GALNT13: variants seen among roughly 807,000 people sequenced by gnomAD.
GALNT13 encodes UDP-GalNAc:polypeptide N-acetylgalactosaminyltransferase 13.
Under a neutral mutation model 64.2 loss-of-function variants are expected in GALNT13, and 28 were observed. The ratio of observed to expected loss-of-function variants is 0.44; its 90% CI spans 0.32 to 0.60. The LOEUF (loss-of-function observed/expected upper bound fraction) is 0.60, where lower values mean the gene tolerates loss of function less well. Among genes scored for constraint, GALNT13 ranks in the 20% least tolerant of loss-of-function variants. The pLI, the probability that GALNT13 is intolerant of heterozygous loss-of-function variation, is 0.05. For missense variants in GALNT13, 577 were observed against 669.8 expected, an observed-to-expected ratio of 0.86 and a Z score of 1.53; for synonymous variants, 214 against 224.6, an observed-to-expected ratio of 0.95 and a Z score of 0.42.
the GALNT13 span, among the ~76,000 whole-genome samples, chr2:153,422,742 C>G: frequency 6.6e-6 from 1 of 151,848 alleles, no homozygotes; most frequent in African/African-American, 2.4e-5. Flanking sequence ...AAAAAATACA[C>G]TTTACAGAAT....
chr2:154,296,377 AC>A lies in GALNT13; in HGVS notation c.976-5031del, dbSNP rs151205871. Among the ~76,000 whole-genome samples, 729 of 152,334 alleles carry A rather than the reference AC, an allele frequency of 4.8e-3. 6 individuals are homozygous for A. Among genetic ancestry groups the A allele is most frequent in the African/African-American group, 0.017 (695 of 41,572 alleles). On this transcript the variant is annotated intron_variant, in intron 8 of 12. Transcript: ENST00000392825. ...CCAGGATAACGTGCTAATTTGCTGT[AC>A]AACTGTCCAGCTGGGAGAGAAATAC...
chr2:154,082,607 G>A (rs747994777), intron 3 of GALNT13, among the ~76,000 whole-genome samples: 12 of 151,652 alleles, frequency 7.9e-5, no homozygotes, highest in Non-Finnish European at 1.8e-4. Flanking sequence ...AGCTTTCTGA[G>A]TTGGAGAAAG....
intron 3 of GALNT13, among the ~76,000 whole-genome samples, chr2:153,952,184 T>C (rs6714832): frequency 0.39 from 59,031 of 151,966 alleles, 14,609 homozygotes; most frequent in Non-Finnish European, 0.55. Context: ...AGAGAATAGG[T>C]ATTTAAAAAG....
At chr2:154,437,528 A>T in intron 11 of GALNT13, 1 of 1,281,650 alleles carries the variant, frequency 7.8e-7, no homozygotes, top group Non-Finnish European at 1.0e-6. Flanking sequence ...ATCGTAGTTA[A>T]AAGAAGAAAA....
rs563982459 is a variant in GALNT13, at chr2:154,264,172, T to C, written c.975+5034T>C. The stretch of plus-strand genomic sequence containing the variant: ...TCTTCACAAGTGTGTGAGGAAACAA[T>C]CCAAGTCTGAGGAAAGAACCTTCAG... On this transcript the variant is annotated intron_variant, in intron 8 of 12. Coordinates refer to ENST00000392825, the MANE Select transcript of GALNT13 (RefSeq NM_052917.4). Among the ~76,000 whole-genome samples the C allele has an allele frequency of 1.6e-4, 25 of 152,234 alleles. 1 individual carries two copies. Among genetic ancestry groups the C allele is most frequent in the African/African-American group, 5.8e-4 (24 of 41,552 alleles).
At chr2:154,033,018 T>C (rs1486727307) in intron 3 of GALNT13, among the ~76,000 whole-genome samples, 1 of 151,838 alleles carries the variant, frequency 6.6e-6, no homozygotes, top group Non-Finnish European at 1.5e-5. Flanking sequence ...AAAGATACAG[T>C]CACAGAACAA....
intron 2 of GALNT13, among the ~76,000 whole-genome samples, chr2:153,905,233 G>C (rs1324038661): frequency 6.6e-6 from 1 of 151,676 alleles, no homozygotes; most frequent in Non-Finnish European, 1.5e-5. Flanking sequence ...TTAAAGAGCT[G>C]GTGTAATTAC....
chr2:153,164,937 A>C, the GALNT13 span, among the ~76,000 whole-genome samples: 1 of 152,180 alleles, frequency 6.6e-6, no homozygotes, highest in Non-Finnish European at 1.5e-5. Flanking sequence ...ATTTCTCCGT[A>C]CCATGGCCAA....
At chr2:153,879,479 C>A (rs557634683) in intron 1 of GALNT13, among the ~76,000 whole-genome samples, 60 of 152,042 alleles carry the variant, frequency 3.9e-4, no homozygotes, top group South Asian at 1.5e-3. Context: ...AACCCCTTGG[C>A]GCAGCCTCCC....
At chr2:153,334,900 C>A in the GALNT13 span, among the ~76,000 whole-genome samples, 6 of 152,232 alleles carry the variant, frequency 3.9e-5, no homozygotes, top group African/African-American at 1.4e-4. Context: ...CCACCCAAAT[C>A]TCAACTTAAA....
chr2:153,998,520 G>A (rs1258741977), intron 3 of GALNT13, among the ~76,000 whole-genome samples: 1 of 152,096 alleles, frequency 6.6e-6, no homozygotes, highest in Non-Finnish European at 1.5e-5. Context: ...ATTTGTTTAA[G>A]ATCTTTATAG....
At chr2:154,229,099 G>A (rs1242973502) in intron 4 of GALNT13, among the ~76,000 whole-genome samples, 1 of 151,330 alleles carries the variant, frequency 6.6e-6, no homozygotes, top group Non-Finnish European at 1.5e-5. Flanking sequence ...GTTTTTCTTG[G>A]CACTTCAGTT....
rs188605078 is a variant in GALNT13 at position 154,095,436 on chromosome 2, T to A, written c.143-44901T>A. Among the ~76,000 whole-genome samples, 103 of 152,062 alleles carry A rather than the reference T, an allele frequency of 6.8e-4. 1 individual carries two copies. Among genetic ancestry groups the A allele is most frequent in the Middle Eastern group, 3.4e-3 (1 of 294 alleles). ...TGTAATTGGGTGTTTTTTGCAACCC[T>A]ACACATTTTCACTGGAATGCCCAAG... is the stretch of plus-strand genomic sequence containing the variant. On this transcript the variant is annotated intron_variant, in intron 3 of 12. Coordinates refer to ENST00000392825, the MANE Select transcript of GALNT13 (RefSeq NM_052917.4).
intron 3 of GALNT13, among the ~76,000 whole-genome samples, chr2:153,973,120 T>C (rs1473794488): frequency 1.3e-5 from 2 of 151,986 alleles, no homozygotes; most frequent in African/African-American, 2.4e-5. Flanking sequence ...CCCTTTTTTT[T>C]CCTAACAAGG....
At chr2:154,318,776 C>T (rs1014370413) in intron 9 of GALNT13, among the ~76,000 whole-genome samples, 3 of 150,756 alleles carry the variant, frequency 2.0e-5, no homozygotes, top group African/African-American at 4.9e-5. Context: ...AAACAGAAAA[C>T]GGCCAAGATT....
chr2:153,831,114 G>C, the GALNT13 span, among the ~76,000 whole-genome samples: 13 of 152,098 alleles, frequency 8.5e-5, no homozygotes, highest in Non-Finnish European at 1.5e-4. Flanking sequence ...TTATGGTTTG[G>C]AGTATCGTTT....
At chr2:153,873,169 A>G (rs1348342511) in intron 1 of GALNT13, among the ~76,000 whole-genome samples, 1 of 152,048 alleles carries the variant, frequency 6.6e-6, no homozygotes, top group Non-Finnish European at 1.5e-5. Flanking sequence ...TGGCGCATCT[A>G]ATGGGTATCT....
chr2:153,344,480 GGTT>G, the GALNT13 span, among the ~76,000 whole-genome samples: 3 of 152,146 alleles, frequency 2.0e-5, no homozygotes, highest in East Asian at 5.8e-4. Context: ...GTGATGCTGG[GGTT>G]GTTGTTGTTG....
chr2:154,348,013 A>C (rs967781496), intron 9 of GALNT13, among the ~76,000 whole-genome samples: 2 of 152,218 alleles, frequency 1.3e-5, no homozygotes, highest in African/African-American at 2.4e-5. Flanking sequence ...AATAACCACT[A>C]ATTATCAAAC....
Sources: gnomAD v4.1 joint callset for allele counts (sites outside exome capture counted in the v4.1 genomes callset) on GRCh38, gnomAD v4.1.1 for gene constraint, MANE v1.5 for transcripts, NCBI Gene and HGNC (gene_info 2026-07-23, HGNC 2026-07-21) for gene names.